Variants in SLC28A1 observed in about 807,000 individuals in gnomAD.
The protein encoded by SLC28A1 is solute carrier family 28 member 1.
SLC28A1 carries 64 observed loss-of-function variants against 74.8 expected under a neutral mutation model. That is an observed-to-expected ratio of 0.86 (90% CI 0.70 to 1.05). The LOEUF is 1.05. SLC28A1 is among the 50% of genes least tolerant of loss of function. The pLI is 0.00. For synonymous variants in SLC28A1, 359 were observed against 335.0 expected, an observed-to-expected ratio of 1.07 and a Z score of -0.78; for missense variants, 828 against 822.8, an observed-to-expected ratio of 1.01 and a Z score of -0.08.
chr15:84,908,902 T>C (rs2141825291), intron 9 of SLC28A1, 107 bp downstream of exon 9: 1 of 917,054 alleles, frequency 1.1e-6, no homozygotes, highest in Non-Finnish European at 1.8e-6. Context: ...GGAGGAGTCC[T>C]GTGGGCAGAG....
chr15:84,963,796 A>G, the SLC28A1 span, among the ~76,000 whole-genome samples: 2 of 152,180 alleles, frequency 1.3e-5, no homozygotes, highest in Non-Finnish European at 2.9e-5. Context: ...ATCATGGCTC[A>G]TGAGGATGCT....
the SLC28A1 span, among the ~76,000 whole-genome samples, chr15:84,958,040 T>C: frequency 2.0e-5 from 3 of 152,238 alleles, no homozygotes; most frequent in Non-Finnish European, 4.4e-5. Flanking sequence ...CTTCATTTAT[T>C]AAATTTATTC....
intron 5 of SLC28A1, among the ~76,000 whole-genome samples, chr15:84,894,668 G>A (rs1567121656): frequency 6.6e-6 from 1 of 152,126 alleles, no homozygotes; most frequent in Non-Finnish European, 1.5e-5. Flanking sequence ...TTGGCTTCAC[G>A]GCCTCCTTAC....
In SLC28A1 at chr15:84,917,949, G is replaced by C. The variant is rs564909353; in HGVS notation, c.796-575G>C. Among the ~76,000 whole-genome samples the C allele has an allele frequency of 1.5e-4, 23 of 152,216 alleles. No homozygotes were observed. The East Asian group carries it at 2.7e-3, about 18-fold the overall frequency. On this transcript the variant is annotated intron_variant, in intron 9 of 18. Coordinates refer to ENST00000394573, the MANE Select transcript of SLC28A1 (RefSeq NM_004213.5). Reference sequence around the variant, plus strand: ...TGAAGGAAGAGGAGTGTTAAGCCTGGTACTAATAATAGGAAATGGGGTGAT... The same window carrying C: ...TGAAGGAAGAGGAGTGTTAAGCCTGCTACTAATAATAGGAAATGGGGTGAT...
chr15:84,956,904 C>T, the SLC28A1 span, among the ~76,000 whole-genome samples: 1 of 152,128 alleles, frequency 6.6e-6, no homozygotes, highest in Admixed American at 6.6e-5. Flanking sequence ...AAGAACACTC[C>T]CAACTAAACT....
Position 84,935,006 on chromosome 15 carries a change from A to G in SLC28A1, c.1215-20A>G, listed in dbSNP as rs1254954410. 1 of 1,612,366 alleles carries G rather than the reference A, an allele frequency of 6.2e-7. No homozygotes were observed. On this transcript the variant is annotated intron_variant, in intron 13 of 18. Transcript: ENST00000394573. ...TTGTGGAGACAGGCCAGTAATGATC[A>G]TTCTTGATCCCAACAACAGAGATGC...
chr15:84,918,589 G>C lies in SLC28A1; in HGVS notation c.861G>C (p.Gln287His). Residue 287 changes from glutamine to histidine, a missense_variant, in exon 10 of 19, where the codon CAG becomes CAC. Transcript: ENST00000394573. ...ISVLYHVGLM[Q>H]WVILKIAWLM... is the part of the protein sequence containing the mutation. ...TTCTCTACCACGTGGGCCTCATGCAGTGGGTGATCCTGAAGGTAAGTTCCC... is the reference window on the plus strand; with the variant it reads ...TTCTCTACCACGTGGGCCTCATGCACTGGGTGATCCTGAAGGTAAGTTCCC... 6.2e-7 allele frequency: 1 copy of C among 1,613,244 alleles called. No individual in the cohort carries two copies. The highest frequency in any genetic ancestry group is 1.3e-5 in the African/African-American group (1 of 75,038).
In SLC28A1 at chr15:84,945,198, T is replaced by G; in HGVS notation, c.1948T>G (p.Ter650GlyextTer11). Residue 650 changes from the stop codon to glycine, a stop_lost, in exon 19 of 19, where the codon TGA becomes GGA. Coordinates refer to ENST00000394573, the MANE Select transcript of SLC28A1 (RefSeq NM_004213.5). ...RFYNHTICAQ[*>G] ...TTACAACCACACGATCTGTGCACAG[T>G]GAGGACAGAACATGCTTGTGCTTCT... 1 of 1,613,828 alleles carries G rather than the reference T, an allele frequency of 6.2e-7. No individual in the cohort carries two copies. The highest frequency in any genetic ancestry group is 8.5e-7 in the Non-Finnish European group (1 of 1,179,792).
intron 12 of SLC28A1, among the ~76,000 whole-genome samples, chr15:84,928,615 CTTTTCTTTCTTTCTTTCTT>C (rs1970894881): frequency 2.1e-4 from 1 of 4,750 alleles, no homozygotes; most frequent in Non-Finnish European, 3.5e-4. Context: ...TTCTTTCTTT[CTTTTCTTTCTTTCTTTCTT>C]TTTTTTTGAG....
rs144780575 is a variant in SLC28A1, at chr15:84,891,148, G to A, written c.277+614G>A. 2.1e-4 allele frequency among the ~76,000 whole-genome samples: 32 copies of A among 152,254 alleles called. 1 individual carries two copies. The East Asian group carries it at 3.1e-3, about 15-fold the overall frequency. On this transcript the variant is annotated intron_variant, in intron 5 of 18. Transcript: ENST00000394573. ...CACTGAAGGTTTTGAACAGGGAAGC[G>A]TCAAGGTGGAATTCACACGGTGGGA...
At position 84,900,861 on chromosome 15, in the gene SLC28A1, G is replaced by A. The variant is rs555200602; in HGVS notation, c.462-3236G>A. Among the ~76,000 whole-genome samples the A allele has an allele frequency of 4.0e-3, 546 of 135,508 alleles. 3 individuals are homozygous for A. Among genetic ancestry groups the A allele is most frequent in the African/African-American group, 0.015 (524 of 35,168 alleles). The allele number at this position is 135,508 out of a possible 152,430, so 88.9% of individuals were successfully genotyped here. A position where few individuals can be genotyped will look rare whatever the true frequency, so the allele number is the denominator to read the frequency against. On this transcript the variant is annotated intron_variant, in intron 6 of 18. Transcript: ENST00000394573. ...AGGGGAAGGGGAAAGGGAAGGGGAA[G>A]GGTGAAAGGCAAGGAAGGAAGGAAG...
At chr15:84,962,920 C>A in the SLC28A1 span, among the ~76,000 whole-genome samples, 35 of 152,278 alleles carry the variant, frequency 2.3e-4, no homozygotes, top group Non-Finnish European at 4.6e-4. Context: ...CCCTCCCTCA[C>A]AATTCCCACA....
chr15:84,894,719 G>A (rs1373816181), intron 5 of SLC28A1, among the ~76,000 whole-genome samples: 1 of 152,156 alleles, frequency 6.6e-6, no homozygotes, highest in Non-Finnish European at 1.5e-5. Flanking sequence ...CAGTTTGCAA[G>A]GCCCTTTCAC....
intron 12 of SLC28A1, chr15:84,926,392 G>C (rs896545421): frequency 1.8e-5 from 4 of 227,540 alleles, no homozygotes; most frequent in Non-Finnish European, 3.5e-5. Context: ...TGGTAGAGAC[G>C]GGATCTTGCT....
In SLC28A1 at chr15:84,910,752, A is replaced by G. The variant is rs564266402; in HGVS notation, c.795+1957A>G. Among the ~76,000 whole-genome samples the G allele has an allele frequency of 3.9e-5, 6 of 152,200 alleles. No individual in the cohort carries two copies. In the South Asian group the frequency reaches 1.2e-3, roughly 32 times the overall value. ...TCAACAAAACAAAACAAAACAAAAC[A>G]AAAACACACACACCCGACACTCTGC... is the stretch of plus-strand genomic sequence containing the variant. On this transcript the variant is annotated intron_variant, in intron 9 of 18. Transcript: ENST00000394573.
chr15:84,938,797 G>GA (rs923589006), intron 15 of SLC28A1, among the ~76,000 whole-genome samples: 8 of 151,926 alleles, frequency 5.3e-5, no homozygotes, highest in Non-Finnish European at 7.4e-5. Flanking sequence ...GGACTGGTCA[G>GA]AAAAAATATC....
chr15:84,920,073 G>T (rs1301076337), intron 10 of SLC28A1, among the ~76,000 whole-genome samples: 1 of 152,182 alleles, frequency 6.6e-6, no homozygotes, highest in Non-Finnish European at 1.5e-5. Context: ...TTACAGAAGA[G>T]AGATTAGGCA....
chr15:84,960,214 C>G, the SLC28A1 span, among the ~76,000 whole-genome samples: 389 of 137,486 alleles, frequency 2.8e-3, 21 homozygotes, highest in East Asian at 0.023. Context: ...TTTCCACTCC[C>G]CTGTGCCTGC....
chr15:84,908,729 C>T lies in SLC28A1; in HGVS notation c.729C>T (p.Ser243=), dbSNP rs1187349644. The change falls in exon 9 of 19, where the codon AGC becomes AGT. Residue 243 remains serine (S), a synonymous_variant. Transcript: ENST00000394573. ...CTTTTTTCTTTCAGATCTTCCTGAG[C>T]TACACGAAGGCTGGCTCCAGCTTCG... The part of the protein sequence containing the change: ...WLGEQIRIFL[S]YTKAGSSFVF... 2 of 1,613,750 alleles carry T rather than the reference C, an allele frequency of 1.2e-6. No homozygotes were observed. The highest frequency in any genetic ancestry group is 1.1e-5 in the South Asian group (1 of 91,088).
Sources: gnomAD v4.1 joint callset for allele counts (sites outside exome capture counted in the v4.1 genomes callset) on GRCh38, gnomAD v4.1.1 for gene constraint, MANE v1.5 for transcripts, NCBI Gene and HGNC (gene_info 2026-07-23, HGNC 2026-07-21) for gene names.